Variants in PCDHGA3 observed in about 807,000 individuals in gnomAD.
The protein encoded by PCDHGA3 is protocadherin gamma subfamily A, 3.
In PCDHGA3, 40 loss-of-function variants were observed where a neutral mutation model predicts 58.5. That is an observed-to-expected ratio of 0.68 (90% confidence interval 0.53 to 0.89). The LOEUF (loss-of-function observed/expected upper bound fraction) is 0.89, where lower values mean the gene tolerates loss of function less well. Among genes scored for constraint, PCDHGA3 ranks in the 40% least tolerant of loss-of-function variants. The pLI, the probability that PCDHGA3 is intolerant of heterozygous loss-of-function variation, is 0.00. For synonymous variants in PCDHGA3, 530 were observed against 525.7 expected, an observed-to-expected ratio of 1.01 and a Z score of -0.11; for missense variants, 1,223 against 1,195.9, an observed-to-expected ratio of 1.02 and a Z score of -0.33.
At chr5:141,422,464 A>G (rs1303001624) in intron 1 of PCDHGA3, 1 of 1,613,502 alleles carries the variant, frequency 6.2e-7, no homozygotes, top group Admixed American at 1.7e-5. Context: ...AGTGCTGGAC[A>G]GGGAGTTGGT....
Position 141,485,768 on chromosome 5 carries a change from C to A in PCDHGA3, c.2425-9039C>A, listed in dbSNP as rs759191157. 3.7e-6 allele frequency: 6 copies of A among 1,614,192 alleles called. No individual in the cohort carries two copies. Among genetic ancestry groups the A allele is most frequent in the Middle Eastern group, 1.6e-4 (1 of 6,062 alleles). On this transcript the variant is annotated intron_variant, in intron 1 of 3. Coordinates refer to ENST00000253812, the MANE Select transcript of PCDHGA3 (RefSeq NM_018916.4). The surrounding 1 kb of genome is among the most constrained non-coding windows in gnomAD (Gnocchi z 5.7). ...GGTCCCAGAGCTGCTCCTGGAGAAG[C>A]CTTTGGATCGAGAGAAGCAATCGGA...
At chr5:141,366,801 C>T (rs1185271007) in intron 1 of PCDHGA3, 2 of 1,564,024 alleles carry the variant, frequency 1.3e-6, no homozygotes, top group African/African-American at 1.4e-5. Context: ...CATTTGTTTC[C>T]TTTTTCATGT....
intron 1 of PCDHGA3, among the ~76,000 whole-genome samples, chr5:141,450,467 T>C (rs997813636): frequency 9.2e-5 from 14 of 151,944 alleles, no homozygotes; most frequent in African/African-American, 3.2e-4. Flanking sequence ...ATTTTATATA[T>C]AGAGTTTGTT....
chr5:141,432,681 G>A lies in PCDHGA3; in HGVS notation c.2425-62126G>A, dbSNP rs147073234. 2.4e-3 allele frequency: 3,845 copies of A among 1,613,930 alleles called. 12 individuals carry two copies. Among genetic ancestry groups the A allele is most frequent in the Admixed American group, 6.0e-3 (358 of 60,016 alleles). On this transcript the variant is annotated intron_variant, in intron 1 of 3. Coordinates refer to ENST00000253812, the MANE Select transcript of PCDHGA3 (RefSeq NM_018916.4). This position sits in a 1 kb window ranked among gnomAD's most constrained non-coding sequence, Gnocchi z 6.0. Reference sequence around the variant, plus strand: ...CTGGACAGAGACGCGCTCAAGCAGAGCCTCGTAGTGGCCGTCCAGGACCAC... The same window carrying A: ...CTGGACAGAGACGCGCTCAAGCAGAACCTCGTAGTGGCCGTCCAGGACCAC...
chr5:141,353,956 G>A (rs1469286537), intron 1 of PCDHGA3, among the ~76,000 whole-genome samples: 1 of 152,184 alleles, frequency 6.6e-6, no homozygotes, highest in African/African-American at 2.4e-5. Context: ...TGAGGAATAA[G>A]CTTAAGAACT....
At position 141,370,970 on chromosome 5, in the gene PCDHGA3, A is replaced by G. The variant is rs773655204; in HGVS notation, c.2424+24513A>G. The G allele has an allele frequency of 4.3e-6, 7 of 1,614,032 alleles. 1 individual carries two copies. Among genetic ancestry groups the G allele is most frequent in the East Asian group, 4.5e-5 (2 of 44,890 alleles). The stretch of plus-strand genomic sequence containing the variant: ...AGAACCTGGATGGCAGTAGGTACCC[A>G]GAGCTAGTACTGAAAGCACCCCTGG... On this transcript the variant is annotated intron_variant, in intron 1 of 3. Transcript: ENST00000253812.
intron 1 of PCDHGA3, chr5:141,372,308 C>T (rs1343054904): frequency 1.2e-6 from 2 of 1,613,474 alleles, no homozygotes; most frequent in South Asian, 2.2e-5. Flanking sequence ...GGGAGGCCGC[C>T]CGCCAGCGCC....
chr5:141,366,069 G>C, intron 1 of PCDHGA3: 2 of 1,614,216 alleles, frequency 1.2e-6, no homozygotes, highest in Non-Finnish European at 1.7e-6. Flanking sequence ...CTGGCGCCTC[G>C]CTCCGCAGAA....
At chr5:141,437,338 C>T (rs1328789308) in intron 1 of PCDHGA3, among the ~76,000 whole-genome samples, 1 of 152,196 alleles carries the variant, frequency 6.6e-6, no homozygotes, top group Non-Finnish European at 1.5e-5. Flanking sequence ...TGTAGCTTCA[C>T]TGTTTTATAG....
rs747671382 is a variant in PCDHGA3, at chr5:141,444,152, A to ATTTT, written c.2425-50622_2425-50619dup. Among the ~76,000 whole-genome samples the ATTTT allele has an allele frequency of 5.0e-4, 17 of 33,898 alleles. 5 individuals carry two copies. Among genetic ancestry groups the ATTTT allele is most frequent in the African/African-American group, 7.0e-4 (5 of 7,184 alleles). 22.2% of individuals were successfully genotyped at this position (33,898 alleles called of 152,430 possible). ...GATATGTGTCACTTGTGTGTACTGG[A>ATTTT]TTTTTTTTTTTTTTTTTTTTTTTTT... On this transcript the variant is annotated intron_variant, in intron 1 of 3. Transcript: ENST00000253812.
intron 3 of PCDHGA3, among the ~76,000 whole-genome samples, chr5:141,507,898 C>T (rs577177417): frequency 1.3e-5 from 2 of 152,310 alleles, no homozygotes; most frequent in East Asian, 1.9e-4. Flanking sequence ...TTCCTGAAGT[C>T]CAGCCCAGCC....
At chr5:141,412,815 A>G (rs2095578958) in intron 1 of PCDHGA3, among the ~76,000 whole-genome samples, 1 of 152,328 alleles carries the variant, frequency 6.6e-6, no homozygotes, top group Non-Finnish European at 1.5e-5. Flanking sequence ...AGAAACCTAC[A>G]TATAGTAAAT....
At position 141,489,515 on chromosome 5, in the gene PCDHGA3, G is replaced by T; in HGVS notation, c.2425-5292G>T. ...CTGGCAGTGAATCAAAAGATTGACC[G>T]AGAAAGCCTATGTGGAGCCAGCACC... On this transcript the variant is annotated intron_variant, in intron 1 of 3. Coordinates refer to ENST00000253812, the MANE Select transcript of PCDHGA3 (RefSeq NM_018916.4). This position sits in a 1 kb window ranked among gnomAD's most constrained non-coding sequence, Gnocchi z 4.5. 4.3e-6 allele frequency: 7 copies of T among 1,614,104 alleles called. No individual in the cohort carries two copies. Among genetic ancestry groups the T allele is most frequent in the Non-Finnish European group, 5.9e-6 (7 of 1,180,034 alleles).
rs776965684 is a variant in PCDHGA3, at chr5:141,355,402, T to A, written c.2424+8945T>A. 2.2e-5 allele frequency: 36 copies of A among 1,613,938 alleles called. No individual in the cohort carries two copies. The highest frequency in any genetic ancestry group is 1.6e-4 in the Middle Eastern group (1 of 6,082). ...GGCGGAGCGCGGAGTCCGCATCGTC[T>A]CCAGAGGTAGGACGCAGCTTTTCGC... is the stretch of plus-strand genomic sequence containing the variant. On this transcript the variant is annotated intron_variant, in intron 1 of 3. Coordinates refer to ENST00000253812, the MANE Select transcript of PCDHGA3 (RefSeq NM_018916.4).
intron 1 of PCDHGA3, chr5:141,352,665 C>G (rs755324921): frequency 6.3e-7 from 1 of 1,587,314 alleles, no homozygotes; most frequent in African/African-American, 1.3e-5. Flanking sequence ...TCTTTGTCTT[C>G]GCACGTGAGT....
At chr5:141,368,303 C>T (rs981191656) in intron 1 of PCDHGA3, among the ~76,000 whole-genome samples, 2 of 152,066 alleles carry the variant, frequency 1.3e-5, no homozygotes, top group Non-Finnish European at 2.9e-5. Flanking sequence ...TTTTTAAACA[C>T]TGTTAAAGAG....
chr5:141,483,445 C>T (rs1332037230), intron 1 of PCDHGA3, among the ~76,000 whole-genome samples: 1 of 152,106 alleles, frequency 6.6e-6, no homozygotes, highest in Admixed American at 6.5e-5. Context: ...ACAATAAAAT[C>T]ATCAGGACTT....
At chr5:141,361,191 A>G (rs758042859) in intron 1 of PCDHGA3, 21 of 1,613,874 alleles carry the variant, frequency 1.3e-5, no homozygotes, top group Non-Finnish European at 1.8e-5. Context: ...TGACTTCAGT[A>G]TCTACTCCCC....
chr5:141,478,164 C>T, intron 1 of PCDHGA3: 1 of 1,614,010 alleles, frequency 6.2e-7, no homozygotes, highest in Non-Finnish European at 8.5e-7. Context: ...GGCTCTGCCC[C>T]CCGGGAGCAG....
Sources: allele counts gnomAD v4.1 joint callset (sites outside exome capture counted in the v4.1 genomes callset), GRCh38; gene constraint gnomAD v4.1.1; non-coding constraint Gnocchi (gnomAD v3.1); transcripts MANE v1.5; gene names NCBI Gene and HGNC (gene_info 2026-07-23, HGNC 2026-07-21).